MPDZ: variants seen among roughly 807,000 people sequenced by gnomAD.
MPDZ encodes the protein multiple PDZ domain protein.
MPDZ carries 234 observed loss-of-function variants against 239.1 expected under a neutral mutation model. The observed-to-expected ratio is 0.98, with a 90% CI of 0.88 to 1.09. MPDZ has a LOEUF of 1.09. Among genes scored for constraint, MPDZ ranks in the 50% least tolerant of loss-of-function variants. The probability of loss-of-function intolerance (pLI) is 0.00; values close to 1 mark genes in which losing one functional copy is unlikely to be tolerated. For synonymous variants in MPDZ, 1,048 were observed against 881.3 expected (o/e 1.19, Z -3.35); for missense variants, 3,175 against 2,510.0 (o/e 1.26, Z -5.66).
At position 13,257,742 on chromosome 9, in the gene MPDZ, G is replaced by C. The variant is rs181473288; in HGVS notation, c.-57-7370C>G. ...TTATCAAATTTTATACCTTAATAGA[G>C]GGTTGCCAGATTTATCAACTAAAAA... is the stretch of plus-strand genomic sequence containing the variant. On this transcript the variant is annotated intron_variant, in intron 1 of 46. Transcript: ENST00000319217. Among the ~76,000 whole-genome samples the C allele has an allele frequency of 5.9e-4, 90 of 152,188 alleles. 1 individual carries two copies. The East Asian group carries it at 0.015, about 25-fold the overall frequency.
rs1408554705 is a variant in MPDZ, at chr9:13,138,191, T to A, written c.4004-38A>T. 2.0e-6 allele frequency: 3 copies of A among 1,490,568 alleles called. No individual in the cohort carries two copies. The East Asian group carries it at 6.9e-5, about 34-fold the overall frequency. 92.3% of individuals were successfully genotyped at this position (1,490,568 alleles called of 1,614,324 possible). A position where few individuals can be genotyped will look rare whatever the true frequency, so the allele number is the denominator to read the frequency against. On this transcript the variant is annotated intron_variant, in intron 28 of 46. Transcript: ENST00000319217. ...ACAACAACAAATACATATTTACAGT[T>A]AATTTACAGTCAAATGCTTTACTGT... is the stretch of plus-strand genomic sequence containing the variant.
Position 13,107,095 on chromosome 9 carries a change from T to G in MPDZ, c.6083A>C (p.Asp2028Ala), listed in dbSNP as rs776679257. ...TVFAKGAASE[D>A]GRLKRGDQII... is the part of the protein sequence containing the mutation. ...CTGATCGCCCCTTTTCAGACGTCCG[T>G]CTTCAGAGGCTGCTCCCTGCAAATT... Residue 2028 changes from aspartate to alanine, a missense_variant, in exon 47 of 47, where the codon GAC becomes GCC. Physicochemically the swap from Asp to Ala is moderately radical, Grantham distance 126. Transcript: ENST00000319217. 1 of 1,576,606 alleles carries G rather than the reference T, an allele frequency of 6.3e-7. No individual in the cohort carries two copies. Among genetic ancestry groups the G allele is most frequent in the African/African-American group, 1.3e-5 (1 of 74,602 alleles).
intron 24 of MPDZ, among the ~76,000 whole-genome samples, chr9:13,154,779 T>G (rs1587322644): frequency 6.6e-6 from 1 of 152,182 alleles, no homozygotes; most frequent in Non-Finnish European, 1.5e-5. Flanking sequence ...ATCAATCCTG[T>G]TATACCTACC....
intron 1 of MPDZ, chr9:13,276,855 G>A (rs1317247748): frequency 6.6e-6 from 1 of 152,104 alleles, no homozygotes; most frequent in African/African-American, 2.4e-5. Context: ...TACCTTCCAG[G>A]CAATTCATTG....
chr9:13,121,458 T>A (rs1283426059), intron 38 of MPDZ, among the ~76,000 whole-genome samples: 3 of 152,216 alleles, frequency 2.0e-5, no homozygotes, highest in African/African-American at 7.2e-5. Flanking sequence ...ATGTCTTATT[T>A]AACTTTGTTT....
intron 17 of MPDZ, among the ~76,000 whole-genome samples, chr9:13,188,316 G>A (rs953349063): frequency 4.6e-5 from 7 of 152,068 alleles, no homozygotes; most frequent in Admixed American, 6.6e-5. Context: ...TAAGGAGTTC[G>A]AGACCAGCCT....
chr9:13,262,422 T>C (rs900242816), intron 1 of MPDZ, among the ~76,000 whole-genome samples: 12 of 151,898 alleles, frequency 7.9e-5, no homozygotes, highest in Non-Finnish European at 1.8e-4. Flanking sequence ...TGCACTTCAG[T>C]CTGGGCCGAC....
At chr9:13,148,762 C>G (rs1185932497) in intron 25 of MPDZ, among the ~76,000 whole-genome samples, 1 of 151,854 alleles carries the variant, frequency 6.6e-6, no homozygotes, top group African/African-American at 2.4e-5. Flanking sequence ...TTTTGAGAAA[C>G]TCTTAGCAGA....
chr9:13,160,265 G>A (rs1289213457), intron 23 of MPDZ, among the ~76,000 whole-genome samples: 5 of 152,128 alleles, frequency 3.3e-5, no homozygotes, highest in Non-Finnish European at 5.9e-5. Context: ...TTAATTAGCT[G>A]CAGGAAAGTT....
chr9:13,216,706 A>C, intron 10 of MPDZ, 68 bp downstream of exon 10: 1 of 1,222,266 alleles, frequency 8.2e-7, no homozygotes, highest in Non-Finnish European at 1.2e-6. Context: ...CTCAAAACTA[A>C]GTAAACTAGG....
chr9:13,190,473 T>C (rs910235578), intron 15 of MPDZ, among the ~76,000 whole-genome samples, 174 bp from the exon 16 acceptor site: 2 of 152,166 alleles, frequency 1.3e-5, no homozygotes, highest in African/African-American at 4.8e-5. Context: ...TACTGAAAGT[T>C]GTTAAGAAGG....
At chr9:13,140,308 C>G (rs1947460091) in intron 27 of MPDZ, among the ~76,000 whole-genome samples, 159 bp from the exon 28 acceptor site, 1 of 147,026 alleles carries the variant, frequency 6.8e-6, no homozygotes, top group Non-Finnish European at 1.5e-5. Flanking sequence ...TATAAAATAT[C>G]TAACAAATAA....
At chr9:13,227,242 C>G (rs999240492) in intron 3 of MPDZ, among the ~76,000 whole-genome samples, 1 of 152,072 alleles carries the variant, frequency 6.6e-6, no homozygotes, top group Non-Finnish European at 1.5e-5. Flanking sequence ...TAGCTTTCTA[C>G]AATCACAGAT....
chr9:13,148,767 A>C (rs778101142), intron 25 of MPDZ, among the ~76,000 whole-genome samples: 18 of 151,972 alleles, frequency 1.2e-4, no homozygotes, highest in Non-Finnish European at 2.5e-4. Context: ...AGAAACTCTT[A>C]GCAGAGACAC....
chr9:13,208,837 C>T (rs1362365056), intron 10 of MPDZ, among the ~76,000 whole-genome samples: 3 of 152,080 alleles, frequency 2.0e-5, no homozygotes, highest in African/African-American at 7.2e-5. Context: ...TTCTATGATA[C>T]TTCTGAGCTG....
intron 12 of MPDZ, among the ~76,000 whole-genome samples, chr9:13,198,012 T>A (rs570976067): frequency 1.3e-5 from 2 of 152,164 alleles, no homozygotes; most frequent in African/African-American, 4.8e-5. Flanking sequence ...GGCACTTAGG[T>A]TGCTTCCATA....
At chr9:13,194,253 G>T (rs1056234608) in intron 13 of MPDZ, among the ~76,000 whole-genome samples, 2 of 151,588 alleles carry the variant, frequency 1.3e-5, no homozygotes, top group Non-Finnish European at 2.9e-5. Flanking sequence ...GTATACTTCC[G>T]CACTTGACAG....
In MPDZ at chr9:13,188,774, G is replaced by T. The variant is rs1008527515; in HGVS notation, c.2364+10C>A. The T allele has an allele frequency of 1.2e-6, 2 of 1,606,986 alleles. No individual in the cohort carries two copies. Among genetic ancestry groups the T allele is most frequent in the Non-Finnish European group, 1.7e-6 (2 of 1,175,308 alleles). ...AATATAAAGGGAAGCAATAAAGTCT[G>T]AATTCTTACGGGTAAAGGCTTAGCA... On this transcript the variant is annotated intron_variant, in intron 17 of 46. Transcript: ENST00000319217.
chr9:13,160,668 TG>T (rs1186603113), intron 23 of MPDZ, among the ~76,000 whole-genome samples: 1 of 151,406 alleles, frequency 6.6e-6, no homozygotes, highest in Non-Finnish European at 1.5e-5. Flanking sequence ...GGCTGAGCTT[TG>T]TAAGTGTAAA....
Sources: allele counts gnomAD v4.1 joint callset (sites outside exome capture counted in the v4.1 genomes callset), GRCh38; gene constraint gnomAD v4.1.1; transcripts MANE v1.5; gene names NCBI Gene and HGNC (gene_info 2026-07-23, HGNC 2026-07-21).